Variants in EOLA2 observed in about 807,000 individuals in gnomAD.
EOLA2 encodes the protein endothelium and lymphocyte associated ASCH domain 2.
EOLA2 carries 3 observed loss-of-function variants against 4.1 expected under a neutral mutation model. That is an observed-to-expected ratio of 0.73 (90% CI 0.33 to 1.89). The LOEUF is 1.89. Ranked by LOEUF, EOLA2 falls within the 40% of genes most tolerant of loss-of-function variation. The pLI is 0.08. For synonymous variants in EOLA2, 52 were observed against 51.7 expected, an observed-to-expected ratio of 1.01 and a Z score of -0.03; for missense variants, 109 against 126.4, an observed-to-expected ratio of 0.86 and a Z score of 0.66.
intron 2 of EOLA2, among the ~76,000 whole-genome samples, chrX:149,935,314 C>G (rs2090965850): frequency 1.5e-5 from 1 of 67,165 alleles, no homozygotes; most frequent in Admixed American, 1.8e-4. Flanking sequence ...CCCTGCTCCT[C>G]TGGCTCACTC....
At chrX:149,931,892 T>C (rs2124135214), downstream of EOLA2, among the ~76,000 whole-genome samples, 1 of 97,910 alleles carries the variant, frequency 1.0e-5, no homozygotes, top group African/African-American at 3.7e-5. Context: ...ACTAGAGCTG[T>C]ATTTTGGATG....
At chrX:149,934,838 G>C (rs1439452369) in intron 2 of EOLA2, among the ~76,000 whole-genome samples, 2 of 112,405 alleles carry the variant, frequency 1.8e-5, no homozygotes, top group African/African-American at 6.5e-5. Flanking sequence ...CTTGCACGGA[G>C]GACAGCCCTG....
At chrX:149,931,020 C>G, downstream of EOLA2, 1 of 937,382 alleles carries the variant, frequency 1.1e-6, no homozygotes, top group Non-Finnish European at 1.3e-6. Context: ...AGTGTAATGT[C>G]TTTGTACAAT....
At chrX:149,931,276 T>C (rs1457811624), downstream of EOLA2, 9 of 366,593 alleles carry the variant, frequency 2.5e-5, no homozygotes, top group Non-Finnish European at 3.8e-5. Flanking sequence ...TAATAAACAA[T>C]TTAAATGAGA....
At chrX:149,935,734 C>T (rs1557375864) in intron 2 of EOLA2, among the ~76,000 whole-genome samples, 6 of 104,186 alleles carry the variant, frequency 5.8e-5, no homozygotes. Flanking sequence ...CTTAGGTGGA[C>T]AGGCCCATAC....
chrX:149,938,283 C>T lies in EOLA2; in HGVS notation c.-301G>A, dbSNP rs1367593071. The T allele has an allele frequency of 8.9e-6, 1 of 112,804 alleles. No homozygotes were observed. Among genetic ancestry groups the T allele is most frequent in the Non-Finnish European group, 1.9e-5 (1 of 53,300 alleles). 9.3% of individuals were successfully genotyped at this position (112,804 alleles called of 1,213,427 possible). A position where few individuals can be genotyped will look rare whatever the true frequency, so the allele number is the denominator to read the frequency against. ...TGGCTTTTGGCCTCAGAGTACAGTC[C>T]TCCGCCTCCTCGCGACCCAGCGAGG... On this transcript the variant is annotated 5_prime_UTR_variant, in exon 1 of 5. Coordinates refer to ENST00000370406, the MANE Select transcript of EOLA2 (RefSeq NM_001013845.2).
chrX:149,938,114 G>A (rs2091048596), intron 1 of EOLA2, 79 bp downstream of exon 1: 1 of 113,404 alleles, frequency 8.8e-6, no homozygotes, highest in Non-Finnish European at 1.9e-5. Flanking sequence ...CCGAAACCCA[G>A]GGGAAAGAAA....
intron 4 of EOLA2, among the ~76,000 whole-genome samples, chrX:149,933,091 T>G (rs1414592405): frequency 1.4e-4 from 15 of 105,940 alleles, no homozygotes; most frequent in Non-Finnish European, 2.3e-4. Context: ...AGCCACTGCC[T>G]GGGAAGCTAC....
rs369496383 is a variant in EOLA2, at chrX:149,938,253, G to A, written c.-271C>T. 2 of 112,955 alleles carry A rather than the reference G, an allele frequency of 1.8e-5. No individual in the cohort carries two copies. Among genetic ancestry groups the A allele is most frequent in the East Asian group, 2.8e-4 (1 of 3,566 alleles). 9.3% of individuals were successfully genotyped at this position (112,955 alleles called of 1,213,427 possible). A position where few individuals can be genotyped will look rare whatever the true frequency, so the allele number is the denominator to read the frequency against. On this transcript the variant is annotated 5_prime_UTR_variant, in exon 1 of 5. Transcript: ENST00000370406. The stretch of plus-strand genomic sequence containing the variant: ...CTGAGAGTCGTGGGCGTTCAGGGCC[G>A]ACTCTGGCTTTTGGCCTCAGAGTAC...
chrX:149,933,979 T>C (rs1342941333), intron 3 of EOLA2, 26 bp downstream of exon 3: 31 of 1,145,886 alleles, frequency 2.7e-5, no homozygotes, highest in Non-Finnish European at 3.5e-5. Flanking sequence ...CCCCCGTGTC[T>C]CTCAGGTGGC....
At chrX:149,937,701 G>A (rs1237420399) in intron 1 of EOLA2, among the ~76,000 whole-genome samples, 1 of 112,577 alleles carries the variant, frequency 8.9e-6, no homozygotes, top group Non-Finnish European at 1.9e-5. Flanking sequence ...GCACCAGTCC[G>A]CAGAGCAGAA....
At chrX:149,933,968 C>T (rs1369916549) in intron 3 of EOLA2, 37 bp downstream of exon 3, 4 of 1,151,542 alleles carry the variant, frequency 3.5e-6, no homozygotes, top group African/African-American at 3.8e-5. Flanking sequence ...GCCTGACCTT[C>T]CCCCCGTGTC....
intron 1 of EOLA2, among the ~76,000 whole-genome samples, chrX:149,937,867 A>G (rs141506920): frequency 0.011 from 1,292 of 112,830 alleles, 16 homozygotes; most frequent in African/African-American, 0.038. Flanking sequence ...CATGCTGAGC[A>G]CGGGGCCACA....
Position 149,932,466 on chromosome X carries a change from C to G in EOLA2, c.*78G>C, listed in dbSNP as rs1557374502. On this transcript the variant is annotated 3_prime_UTR_variant, in exon 5 of 5. Coordinates refer to ENST00000370406, the MANE Select transcript of EOLA2 (RefSeq NM_001013845.2). ...CATCTTTAACCTAATTTATACAGGT[C>G]TGCGTCACGATGGCAAATTGAAGGT... The G allele has an allele frequency of 8.4e-7, 1 of 1,195,296 alleles. No individual in the cohort carries two copies. The highest frequency in any genetic ancestry group is 1.1e-6 in the Non-Finnish European group (1 of 886,913).
At chrX:149,933,945 C>T (rs2090932027) in intron 3 of EOLA2, 42 bp from the exon 4 acceptor site, 2 of 1,172,767 alleles carry the variant, frequency 1.7e-6, no homozygotes, top group Non-Finnish European at 2.3e-6. Flanking sequence ...GCCCTTCAAG[C>T]TCATGGGCAG....
At position 149,932,404 on chromosome X, in the gene EOLA2, T is replaced by C; in HGVS notation, c.*140A>G. On this transcript the variant is annotated 3_prime_UTR_variant, in exon 5 of 5. Coordinates refer to ENST00000370406, the MANE Select transcript of EOLA2 (RefSeq NM_001013845.2). Reference sequence around the variant, plus strand: ...CAAAGGAACCTGTTTACATGCACAGTGCTTAGTGGGTGGGACTCTCCAAAG... The same window carrying C: ...CAAAGGAACCTGTTTACATGCACAGCGCTTAGTGGGTGGGACTCTCCAAAG... 1.4e-5 allele frequency: 15 copies of C among 1,108,800 alleles called. No individual in the cohort carries two copies. The highest frequency in any genetic ancestry group is 1.5e-5 in the Non-Finnish European group (13 of 844,325). The allele number at this position is 1,108,800 out of a possible 1,213,427, so 91.4% of individuals were successfully genotyped here. A position where few individuals can be genotyped will look rare whatever the true frequency, so the allele number is the denominator to read the frequency against.
At chrX:149,935,018 C>G (rs1337721871) in intron 2 of EOLA2, among the ~76,000 whole-genome samples, 1 of 112,247 alleles carries the variant, frequency 8.9e-6, no homozygotes, top group Non-Finnish European at 1.9e-5. Context: ...GCCCTCACCC[C>G]TCAGGCCCGT....
intron 4 of EOLA2, 79 bp from the exon 5 acceptor site, chrX:149,932,846 C>T: frequency 1.0e-6 from 1 of 996,962 alleles, no homozygotes; most frequent in African/African-American, 2.1e-5. Context: ...CACAGTTACT[C>T]AAAGTCACAA....
At chrX:149,931,028 A>G, downstream of EOLA2, 2 of 937,675 alleles carry the variant, frequency 2.1e-6, no homozygotes, top group Non-Finnish European at 2.6e-6. Flanking sequence ...GTCTTTGTAC[A>G]ATATCTGTTA....
Sources: gnomAD v4.1 joint callset for allele counts (sites outside exome capture counted in the v4.1 genomes callset) on GRCh38, gnomAD v4.1.1 for gene constraint, MANE v1.5 for transcripts, NCBI Gene and HGNC (gene_info 2026-07-23, HGNC 2026-07-21) for gene names.